The following ANK1 variants were observed in gnomAD, a reference collection of about 807,000 sequenced individuals.
ANK1 encodes ankyrin 1.
Under a neutral mutation model 210.4 loss-of-function variants are expected in ANK1, and 51 were observed. The observed-to-expected ratio is 0.24, with a 90% CI of 0.19 to 0.31. The LOEUF (loss-of-function observed/expected upper bound fraction) is 0.31, where lower values mean the gene tolerates loss of function less well. Among genes scored for constraint, ANK1 ranks in the 10% least tolerant of loss-of-function variants. The pLI, the probability that ANK1 is intolerant of heterozygous loss-of-function variation, is 1.00. For synonymous variants in ANK1, 967 were observed against 1,025.9 expected (o/e 0.94, Z 1.10); for missense variants, 2,051 against 2,504.4 (o/e 0.82, Z 3.86).
chr8:41,766,736 A>ATC (rs1841879853), intron 1 of ANK1, among the ~76,000 whole-genome samples: 1 of 152,140 alleles, frequency 6.6e-6, no homozygotes, highest in Non-Finnish European at 1.5e-5. Flanking sequence ...TAAAATGGGG[A>ATC]TCTTGCCAGG....
At chr8:41,689,321 A>C (rs1450203473) in intron 33 of ANK1, among the ~76,000 whole-genome samples, 2 of 145,560 alleles carry the variant, frequency 1.4e-5, no homozygotes, top group African/African-American at 5.1e-5. Flanking sequence ...TACAGACAGG[A>C]TCTCACTATG....
intron 2 of ANK1, among the ~76,000 whole-genome samples, chr8:41,742,356 G>A (rs568467945): frequency 1.4e-4 from 22 of 152,316 alleles, no homozygotes; most frequent in African/African-American, 5.3e-4. Flanking sequence ...CTGCAAAACT[G>A]CAAGAACATC....
In ANK1 at chr8:41,731,574, T is replaced by C. The variant is rs1321834360; in HGVS notation, c.228+2397A>G. ...AAATTGGTTTTGGCTTTTTACTCTT[T>C]TTCTTCTTTTTTTTTTTTCATCTTT... On this transcript the variant is annotated intron_variant, in intron 3 of 42. Coordinates refer to ENST00000289734, the MANE Select transcript of ANK1 (RefSeq NM_000037.4). Among the ~76,000 whole-genome samples the C allele has an allele frequency of 2.0e-5, 3 of 150,646 alleles. No individual in the cohort carries two copies. The East Asian group carries it at 5.8e-4, about 29-fold the overall frequency.
At chr8:41,698,921 C>T (rs1321050544) in intron 23 of ANK1, among the ~76,000 whole-genome samples, 1 of 152,034 alleles carries the variant, frequency 6.6e-6, no homozygotes, top group Non-Finnish European at 1.5e-5. Flanking sequence ...CTCAGCCTCC[C>T]GAGTAGCTGG....
chr8:41,752,137 C>T (rs1259688984), intron 2 of ANK1, among the ~76,000 whole-genome samples: 1 of 152,220 alleles, frequency 6.6e-6, no homozygotes, highest in East Asian at 1.9e-4. Context: ...AACCACCCCA[C>T]CGAAATAGTC....
chr8:41,729,944 G>A (rs754324630), intron 3 of ANK1, among the ~76,000 whole-genome samples: 1 of 152,208 alleles, frequency 6.6e-6, no homozygotes, highest in Non-Finnish European at 1.5e-5. Flanking sequence ...GAGAAAATAG[G>A]TCCATGGTCG....
intron 1 of ANK1, among the ~76,000 whole-genome samples, chr8:41,761,143 ATG>A (rs1307658136): frequency 4.5e-5 from 6 of 134,714 alleles, no homozygotes; most frequent in African/African-American, 1.3e-4. Context: ...ACACACACAC[ATG>A]CATGCACATA....
intron 1 of ANK1, among the ~76,000 whole-genome samples, chr8:41,887,000 C>G (rs755584287): frequency 3.9e-5 from 6 of 152,158 alleles, no homozygotes; most frequent in Non-Finnish European, 7.3e-5. Flanking sequence ...GGCCACGCTT[C>G]AGCTCCACTT....
chr8:41,805,146 CAT>C (rs1384143083), intron 1 of ANK1, among the ~76,000 whole-genome samples: 2 of 151,046 alleles, frequency 1.3e-5, no homozygotes, highest in African/African-American at 4.9e-5. Context: ...CTCTCTCTCT[CAT>C]AGAGCTCTTT....
Position 41,684,776 on chromosome 8 carries a change from T to C in ANK1, c.4391-86A>G, listed in dbSNP as rs779149978. ...TCAGAAAATGGGGCCAGGATGAAGA[T>C]GGAGAAAGGAGATAATTTTTTTCAG... On this transcript the variant is annotated intron_variant, in intron 36 of 42. Coordinates refer to ENST00000289734, the MANE Select transcript of ANK1 (RefSeq NM_000037.4). 25 of 1,521,842 alleles carry C rather than the reference T, an allele frequency of 1.6e-5. No individual in the cohort carries two copies. The South Asian group carries it at 1.9e-4, about 12-fold the overall frequency. The allele number at this position is 1,521,842 out of a possible 1,614,324, so 94.3% of individuals were successfully genotyped here.
chr8:41,881,775 C>G (rs1817626569), intron 1 of ANK1, among the ~76,000 whole-genome samples: 1 of 152,204 alleles, frequency 6.6e-6, no homozygotes, highest in Non-Finnish European at 1.5e-5. Context: ...AGGGACTTCA[C>G]CTTCCTGAGC....
intron 1 of ANK1, among the ~76,000 whole-genome samples, chr8:41,769,306 C>T (rs1158870940): frequency 3.9e-5 from 6 of 152,222 alleles, no homozygotes; most frequent in Admixed American, 3.3e-4. Context: ...CTTCCCTCCC[C>T]AGGCACATGC....
chr8:41,824,211 C>A (rs1008511703), intron 1 of ANK1, among the ~76,000 whole-genome samples: 4 of 152,082 alleles, frequency 2.6e-5, no homozygotes, highest in Non-Finnish European at 4.4e-5. Flanking sequence ...GTGATCCAAC[C>A]GCCTCGGCCT....
intron 8 of ANK1, 149 bp downstream of exon 8, chr8:41,723,386 G>C: frequency 8.7e-7 from 1 of 1,148,348 alleles, no homozygotes; most frequent in Non-Finnish European, 1.3e-6. Context: ...CCCACTGCAC[G>C]CGGCACTGCC....
At chr8:41,804,795 G>A (rs536505766) in intron 1 of ANK1, among the ~76,000 whole-genome samples, 17 of 152,098 alleles carry the variant, frequency 1.1e-4, no homozygotes, top group Non-Finnish European at 2.4e-4. Flanking sequence ...AGAGTGCTGC[G>A]AAATTCCCAC....
Position 41,797,172 on chromosome 8 carries a change from T to C in ANK1, c.27+340A>G, listed in dbSNP as rs1351861283. Among the ~76,000 whole-genome samples the C allele has an allele frequency of 6.6e-6, 1 of 152,162 alleles. No individual in the cohort carries two copies. Among genetic ancestry groups the C allele is most frequent in the East Asian group, 1.9e-4 (1 of 5,186 alleles). On this transcript the variant is annotated intron_variant, in intron 1 of 42. Coordinates refer to ENST00000289734, the MANE Select transcript of ANK1 (RefSeq NM_000037.4). This position sits in a 1 kb window ranked among gnomAD's most constrained non-coding sequence, Gnocchi z 4.0. ...TTTAGCAGACTCAAAGGAAAGCCTCTAAGATCTCAATAGATTTGGACTATA... is the reference window on the plus strand; with the variant it reads ...TTTAGCAGACTCAAAGGAAAGCCTCCAAGATCTCAATAGATTTGGACTATA...
At chr8:41,693,734 T>C (rs1819974164) in intron 29 of ANK1, among the ~76,000 whole-genome samples, 164 bp downstream of exon 29, 1 of 152,148 alleles carries the variant, frequency 6.6e-6, no homozygotes, top group Admixed American at 6.5e-5. Context: ...TGGACTTTTA[T>C]GCAGATACAT....
intron 1 of ANK1, among the ~76,000 whole-genome samples, chr8:41,837,222 T>A (rs1423779037): frequency 6.6e-6 from 1 of 152,204 alleles, no homozygotes; most frequent in African/African-American, 2.4e-5. Context: ...ATAGCTATAA[T>A]CTCTATAGTC....
At position 41,700,995 on chromosome 8, in the gene ANK1, C is replaced by T. The variant is rs563864524; in HGVS notation, c.2461+555G>A. 3.3e-5 allele frequency among the ~76,000 whole-genome samples: 5 copies of T among 152,284 alleles called. No individual in the cohort carries two copies. In the South Asian group the frequency reaches 8.3e-4, roughly 25 times the overall value. ...TATTGCCCAGGCTGGTCTTGAACTCCTAGCCTCAAGCAATCCTCCAACCTC... is the reference window on the plus strand; with the variant it reads ...TATTGCCCAGGCTGGTCTTGAACTCTTAGCCTCAAGCAATCCTCCAACCTC... On this transcript the variant is annotated intron_variant, in intron 22 of 42. Coordinates refer to ENST00000289734, the MANE Select transcript of ANK1 (RefSeq NM_000037.4).
Sources: gnomAD v4.1 joint callset for allele counts (sites outside exome capture counted in the v4.1 genomes callset) on GRCh38, gnomAD v4.1.1 for gene constraint, Gnocchi (gnomAD v3.1) non-coding constraint, MANE v1.5 for transcripts, NCBI Gene and HGNC (gene_info 2026-07-23, HGNC 2026-07-21) for gene names.